Variants in SGSM1 observed in about 807,000 individuals in gnomAD.
SGSM1 encodes the protein RUN and TBC1 domain containing 2.
Under a neutral mutation model 133.8 loss-of-function variants are expected in SGSM1, and 73 were observed. The observed-to-expected ratio is 0.55, with a 90% CI of 0.45 to 0.66. The LOEUF is 0.66. SGSM1 is among the 30% of genes least tolerant of loss of function. The pLI is 0.00. For synonymous variants in SGSM1, 563 were observed against 573.0 expected, an observed-to-expected ratio of 0.98 and a Z score of 0.25; for missense variants, 1,213 against 1,448.1, an observed-to-expected ratio of 0.84 and a Z score of 2.64.
rs553151528 is a variant in SGSM1, at chr22:24,873,463, C to T, written c.1292-3114C>T. 3.9e-5 allele frequency among the ~76,000 whole-genome samples: 6 copies of T among 152,022 alleles called. No individual in the cohort carries two copies. The East Asian group carries it at 1.2e-3, about 29-fold the overall frequency. On this transcript the variant is annotated intron_variant, in intron 12 of 24. Transcript: ENST00000400358. Reference sequence around the variant, plus strand: ...AAGGCGTGAAAACCCAAAGTGTCTCCAAACATCAACAGGATTGCCCTGTTT... The same window carrying T: ...AAGGCGTGAAAACCCAAAGTGTCTCTAAACATCAACAGGATTGCCCTGTTT...
At chr22:24,882,366 C>T (rs751921149) in intron 14 of SGSM1, among the ~76,000 whole-genome samples, 3 of 152,070 alleles carry the variant, frequency 2.0e-5, no homozygotes, top group South Asian at 4.2e-4. Flanking sequence ...CACTGTGCCC[C>T]GCCCTGTTTT....
At chr22:24,874,518 G>T in intron 12 of SGSM1, 5 of 1,612,712 alleles carry the variant, frequency 3.1e-6, no homozygotes, top group Non-Finnish European at 4.2e-6. Flanking sequence ...GAGGGAGTCA[G>T]TGGGAGCCAG....
chr22:24,836,527 A>G (rs990330308), intron 2 of SGSM1, among the ~76,000 whole-genome samples: 4 of 152,246 alleles, frequency 2.6e-5, no homozygotes, highest in Middle Eastern at 3.2e-3. Context: ...AAGAACCACC[A>G]TACTGTCTAC....
chr22:24,849,941 A>G (rs933146363), intron 4 of SGSM1, among the ~76,000 whole-genome samples: 1 of 152,048 alleles, frequency 6.6e-6, no homozygotes, highest in African/African-American at 2.4e-5. Flanking sequence ...GGTCTTGTTG[A>G]AGAGCTTGCT....
chr22:24,829,472 G>A (rs1928987036), intron 2 of SGSM1, among the ~76,000 whole-genome samples: 1 of 152,172 alleles, frequency 6.6e-6, no homozygotes, highest in African/African-American at 2.4e-5. Context: ...AAACTCACGT[G>A]ACATGAGTTT....
At chr22:24,807,876 A>G (rs995545520) in intron 2 of SGSM1, among the ~76,000 whole-genome samples, 3 of 119,158 alleles carry the variant, frequency 2.5e-5, no homozygotes, top group Admixed American at 7.9e-5. Context: ...CGGGAGCATG[A>G]GTATGTGCCT....
intron 9 of SGSM1, among the ~76,000 whole-genome samples, chr22:24,866,543 G>T (rs886527930): frequency 1.3e-5 from 2 of 152,172 alleles, no homozygotes; most frequent in Non-Finnish European, 2.9e-5. Context: ...TTCAGGCATG[G>T]ATGGATCCAG....
At chr22:24,831,390 TC>T (rs1929112817) in intron 2 of SGSM1, among the ~76,000 whole-genome samples, 1 of 152,004 alleles carries the variant, frequency 6.6e-6, no homozygotes, top group East Asian at 1.9e-4. Context: ...GGTTTATACC[TC>T]ACATGCAGCA....
chr22:24,841,075 C>A (rs1011868367), intron 2 of SGSM1, among the ~76,000 whole-genome samples: 4 of 152,276 alleles, frequency 2.6e-5, no homozygotes, highest in East Asian at 1.9e-4. Flanking sequence ...TGGTCTCGAT[C>A]TCCTGACCTT....
intron 16 of SGSM1, among the ~76,000 whole-genome samples, chr22:24,889,250 G>A (rs974426612): frequency 1.3e-5 from 2 of 151,696 alleles, no homozygotes; most frequent in East Asian, 1.9e-4. Context: ...GTGAGCCACC[G>A]TGCCCGGCCC....
intron 12 of SGSM1, 85 bp downstream of exon 12, chr22:24,868,940 C>T (rs1931618059): frequency 1.3e-6 from 2 of 1,546,314 alleles, no homozygotes; most frequent in Non-Finnish European, 8.7e-7. Context: ...TAGAAGATGA[C>T]AGGTCTGGAT....
intron 12 of SGSM1, among the ~76,000 whole-genome samples, chr22:24,875,041 G>C (rs1277896622): frequency 6.6e-6 from 1 of 152,194 alleles, no homozygotes; most frequent in African/African-American, 2.4e-5. Context: ...GGTAGGGGCT[G>C]ACCTTGTCAG....
intron 20 of SGSM1, among the ~76,000 whole-genome samples, chr22:24,904,303 G>A (rs1011165780): frequency 5.3e-5 from 8 of 151,950 alleles, no homozygotes; most frequent in African/African-American, 9.7e-5. Flanking sequence ...TTGAGAGGCC[G>A]GGCGCAGTGT....
chr22:24,915,651 G>T (rs1029145392), intron 22 of SGSM1, among the ~76,000 whole-genome samples: 1 of 152,136 alleles, frequency 6.6e-6, no homozygotes, highest in African/African-American at 2.4e-5. Flanking sequence ...AGAGTTTGTG[G>T]AAAATAGAGT....
chr22:24,840,589 C>T (rs376505531), intron 2 of SGSM1, among the ~76,000 whole-genome samples: 8 of 149,858 alleles, frequency 5.3e-5, no homozygotes, highest in African/African-American at 9.8e-5. Flanking sequence ...GTAATCCGCC[C>T]GCCTCAGCCT....
chr22:24,901,025 T>A (rs1252947257), intron 19 of SGSM1: 7 of 152,268 alleles, frequency 4.6e-5, no homozygotes, highest in Non-Finnish European at 7.3e-5. Context: ...AATGGGAGTT[T>A]GGGTTATAAA....
intron 9 of SGSM1, 54 bp from the exon 10 acceptor site, chr22:24,867,039 C>A: frequency 1.3e-6 from 2 of 1,577,812 alleles, no homozygotes; most frequent in South Asian, 2.3e-5. Flanking sequence ...TGAGCCCCTC[C>A]GCACAGTGGG....
Position 24,818,284 on chromosome 22 carries a change from C to T in SGSM1, c.63+11800C>T, listed in dbSNP as rs371633205. On this transcript the variant is annotated intron_variant, in intron 2 of 24. Coordinates refer to ENST00000400358, the MANE Select transcript of SGSM1 (RefSeq NM_001098497.3). ...AACAAACAAAAAACAGTACTAATCC[C>T]ATCCAAGAGTCATCCTCATGGCTTA... 1.1e-3 allele frequency among the ~76,000 whole-genome samples: 171 copies of T among 151,964 alleles called. 6 individuals are homozygous for T. In the South Asian group the frequency reaches 0.028, roughly 25 times the overall value.
chr22:24,868,689 C>G, intron 11 of SGSM1, 34 bp from the exon 12 acceptor site: 2 of 1,612,780 alleles, frequency 1.2e-6, no homozygotes, highest in Non-Finnish European at 1.7e-6. Context: ...ACAGATGTGT[C>G]CCAAGGACCT....
Sources: allele counts gnomAD v4.1 joint callset (sites outside exome capture counted in the v4.1 genomes callset), GRCh38; gene constraint gnomAD v4.1.1; transcripts MANE v1.5; gene names NCBI Gene and HGNC (gene_info 2026-07-23, HGNC 2026-07-21).